The following AGBL4 variants were observed in gnomAD, a reference collection of about 807,000 sequenced individuals.
AGBL4 encodes AGBL carboxypeptidase 4.
AGBL4 carries 58 observed loss-of-function variants against 66.4 expected under a neutral mutation model. The ratio of observed to expected loss-of-function variants is 0.87; its 90% CI spans 0.71 to 1.09. The LOEUF (loss-of-function observed/expected upper bound fraction) is 1.09, where lower values mean the gene tolerates loss of function less well. Among genes scored for constraint, AGBL4 ranks in the 50% least tolerant of loss-of-function variants. AGBL4 has a pLI of 0.00. For missense variants in AGBL4, 579 were observed against 631.0 expected (o/e 0.92, Z 0.88); for synonymous variants, 234 against 222.9 (o/e 1.05, Z -0.44).
intron 5 of AGBL4, among the ~76,000 whole-genome samples, chr1:49,017,024 T>A (rs1471937571): frequency 6.6e-6 from 1 of 152,174 alleles, no homozygotes; most frequent in Non-Finnish European, 1.5e-5. Flanking sequence ...CACTGCCCCT[T>A]TAATGAAAAA....
rs779766269 is a variant in AGBL4 at position 49,144,526 on chromosome 1, T to C, written c.378-98726A>G. 5.8e-3 allele frequency among the ~76,000 whole-genome samples: 845 copies of C among 146,208 alleles called. 12 individuals carry two copies. Among genetic ancestry groups the C allele is most frequent in the South Asian group, 0.026 (115 of 4,448 alleles). On this transcript the variant is annotated intron_variant, in intron 4 of 13. Transcript: ENST00000371839. ...GCAATCCTATTCAGTTTACCTAATC[T>C]ACACACACACACACACACACACACA... is the stretch of plus-strand genomic sequence containing the variant.
intron 9 of AGBL4, among the ~76,000 whole-genome samples, chr1:48,602,832 T>C (rs1055614845): frequency 6.6e-6 from 1 of 152,190 alleles, no homozygotes; most frequent in Non-Finnish European, 1.5e-5. Context: ...CTCTTCTCCC[T>C]CTTCATTCCT....
intron 3 of AGBL4, among the ~76,000 whole-genome samples, chr1:49,286,142 C>A (rs904957977): frequency 2.6e-5 from 4 of 152,078 alleles, no homozygotes; most frequent in African/African-American, 9.7e-5. Context: ...GCAGAAAAAG[C>A]CTTTGACAAA....
intron 6 of AGBL4, among the ~76,000 whole-genome samples, chr1:48,709,445 CTAAA>C (rs147462366): frequency 0.02 from 3,068 of 152,252 alleles, 101 homozygotes; most frequent in African/African-American, 0.07. Context: ...ATACACTAAT[CTAAA>C]TAGTTATTTG....
chr1:49,653,000 C>T (rs1388679593), intron 3 of AGBL4, among the ~76,000 whole-genome samples: 2 of 152,140 alleles, frequency 1.3e-5, no homozygotes, highest in Non-Finnish European at 2.9e-5. Flanking sequence ...CCTGATCCCA[C>T]TCCGCCTGAC....
At chr1:49,475,754 T>G (rs1361175688) in intron 3 of AGBL4, among the ~76,000 whole-genome samples, 2 of 152,110 alleles carry the variant, frequency 1.3e-5, no homozygotes, top group Admixed American at 1.3e-4. Context: ...CTTTTGTATT[T>G]CTGTGGGATT....
At chr1:48,650,463 TTC>T (rs1267373076) in intron 8 of AGBL4, among the ~76,000 whole-genome samples, 1 of 149,334 alleles carries the variant, frequency 6.7e-6, no homozygotes, top group South Asian at 2.1e-4. Flanking sequence ...CCTTCCTTCC[TTC>T]CTTCCTTCCT....
At chr1:48,756,326 C>CT (rs1193467533) in intron 6 of AGBL4, among the ~76,000 whole-genome samples, 1 of 152,204 alleles carries the variant, frequency 6.6e-6, no homozygotes, top group East Asian at 1.9e-4. Context: ...ATCCCCTCTG[C>CT]TGTCCCACAG....
At chr1:49,070,771 C>CT (rs1328840008) in intron 4 of AGBL4, among the ~76,000 whole-genome samples, 1 of 151,986 alleles carries the variant, frequency 6.6e-6, no homozygotes, top group Non-Finnish European at 1.5e-5. Flanking sequence ...AGGATTCCCT[C>CT]TTTTTCGGTT....
chr1:48,916,110 G>A (rs1653560052), intron 5 of AGBL4, among the ~76,000 whole-genome samples: 1 of 152,182 alleles, frequency 6.6e-6, no homozygotes, highest in South Asian at 2.1e-4. Flanking sequence ...CATATATCCT[G>A]ATATCTGGCC....
intron 6 of AGBL4, among the ~76,000 whole-genome samples, chr1:48,865,909 C>A (rs150648298): frequency 6.3e-4 from 96 of 152,246 alleles, no homozygotes; most frequent in African/African-American, 2.3e-3. Flanking sequence ...TACAAGTGAG[C>A]CACTCTAGTC....
intron 5 of AGBL4, among the ~76,000 whole-genome samples, chr1:48,985,199 A>G (rs964142429): frequency 1.3e-5 from 2 of 152,130 alleles, no homozygotes; most frequent in African/African-American, 4.8e-5. Context: ...GCCCCAGCTT[A>G]TCAGAGAGTT....
At chr1:48,603,833 C>T (rs575567282) in intron 9 of AGBL4, among the ~76,000 whole-genome samples, 14 of 152,012 alleles carry the variant, frequency 9.2e-5, no homozygotes, top group Non-Finnish European at 1.2e-4. Context: ...GGACTGAGCG[C>T]GGTAGCTCAT....
At chr1:49,357,120 G>T (rs897078676) in intron 3 of AGBL4, among the ~76,000 whole-genome samples, 3 of 152,190 alleles carry the variant, frequency 2.0e-5, no homozygotes, top group Non-Finnish European at 2.9e-5. Context: ...TAAAGTGACT[G>T]GGGGCAAAAG....
intron 2 of AGBL4, among the ~76,000 whole-genome samples, chr1:49,807,370 G>A (rs1644998848): frequency 6.6e-6 from 1 of 152,066 alleles, no homozygotes; most frequent in Non-Finnish European, 1.5e-5. Flanking sequence ...AGTCAAATAA[G>A]ATGATTCTAT....
chr1:49,658,600 A>T (rs1044905220), intron 3 of AGBL4, among the ~76,000 whole-genome samples: 7 of 152,232 alleles, frequency 4.6e-5, no homozygotes, highest in African/African-American at 1.4e-4. Flanking sequence ...AAAGACTTGG[A>T]ACCAACCCAA....
At chr1:49,041,944 C>T (rs1270628015) in intron 5 of AGBL4, among the ~76,000 whole-genome samples, 1 of 152,008 alleles carries the variant, frequency 6.6e-6, no homozygotes, top group Non-Finnish European at 1.5e-5. Flanking sequence ...TTCTGTAATC[C>T]CACCCATCTT....
At chr1:49,291,289 T>A (rs1432355193) in intron 3 of AGBL4, among the ~76,000 whole-genome samples, 1 of 152,192 alleles carries the variant, frequency 6.6e-6, no homozygotes, top group Non-Finnish European at 1.5e-5. Context: ...TTTCTGAGAA[T>A]AGAAAACAAG....
chr1:48,871,806 T>A (rs555605955), intron 5 of AGBL4, among the ~76,000 whole-genome samples: 38 of 152,204 alleles, frequency 2.5e-4, no homozygotes, highest in Non-Finnish European at 5.9e-5. Flanking sequence ...GCTCCAGGAA[T>A]TATCCATTAT....
Sources: gnomAD v4.1 joint callset for allele counts (sites outside exome capture counted in the v4.1 genomes callset) on GRCh38, gnomAD v4.1.1 for gene constraint, MANE v1.5 for transcripts, NCBI Gene and HGNC (gene_info 2026-07-23, HGNC 2026-07-21) for gene names.